The following UBE2E2 variants were observed in gnomAD, a reference collection of about 807,000 sequenced individuals.
UBE2E2 encodes ubiquitin-conjugating enzyme E2 E2.
Under a neutral mutation model 24.7 loss-of-function variants are expected in UBE2E2, and 6 were observed. That is an observed-to-expected ratio of 0.24 (90% CI 0.13 to 0.48). The LOEUF (loss-of-function observed/expected upper bound fraction) is 0.48. Among genes scored for constraint, UBE2E2 ranks in the 20% least tolerant of loss-of-function variants. The pLI is 0.99. For synonymous variants in UBE2E2, 104 were observed against 83.6 expected, an observed-to-expected ratio of 1.24 and a Z score of -1.33; for missense variants, 169 against 245.0, an observed-to-expected ratio of 0.69 and a Z score of 2.07.
intron 4 of UBE2E2, among the ~76,000 whole-genome samples, chr3:23,516,353 CTG>C (rs1279921892): frequency 6.6e-6 from 1 of 152,162 alleles, no homozygotes; most frequent in African/African-American, 2.4e-5. Flanking sequence ...TGCATTATAA[CTG>C]TGAACCAAAT....
At chr3:23,300,439 G>A (rs151026672) in intron 3 of UBE2E2, among the ~76,000 whole-genome samples, 25,742 of 152,062 alleles carry the variant, frequency 0.17, 2,427 homozygotes, top group Non-Finnish European at 0.21. Context: ...CCCTTTCCAT[G>A]TTTAGTGCTT....
At chr3:23,563,717 A>G (rs1277403656) in intron 5 of UBE2E2, among the ~76,000 whole-genome samples, 1 of 152,182 alleles carries the variant, frequency 6.6e-6, no homozygotes, top group Admixed American at 6.6e-5. Flanking sequence ...TTAAGGATAT[A>G]AGCAAGAATA....
chr3:23,552,310 G>T lies in UBE2E2; in HGVS notation c.508+19609G>T, dbSNP rs143358752. 4.4e-3 allele frequency among the ~76,000 whole-genome samples: 673 copies of T among 152,186 alleles called. 1 individual carries two copies. The highest frequency in any genetic ancestry group is 6.3e-3 in the Non-Finnish European group (429 of 67,998). ...CGAGGTTGCACTGGGCCAAGATCAG[G>T]ACACTGCACTCCAGCCTAAGCAACA... On this transcript the variant is annotated intron_variant, in intron 5 of 5. Coordinates refer to ENST00000396703, the MANE Select transcript of UBE2E2 (RefSeq NM_152653.4).
At chr3:23,307,304 A>G (rs1352901491) in intron 3 of UBE2E2, among the ~76,000 whole-genome samples, 1 of 152,004 alleles carries the variant, frequency 6.6e-6, no homozygotes, top group Non-Finnish European at 1.5e-5. Context: ...CTTTTTTCTG[A>G]CGCTTTCAGG....
At chr3:23,379,863 C>T (rs1346148343) in intron 3 of UBE2E2, among the ~76,000 whole-genome samples, 2 of 151,788 alleles carry the variant, frequency 1.3e-5, no homozygotes, top group African/African-American at 2.4e-5. Context: ...GAGTTTGGTC[C>T]GTTAGACAAA....
At chr3:23,347,461 C>T (rs1695593100) in intron 3 of UBE2E2, among the ~76,000 whole-genome samples, 1 of 152,072 alleles carries the variant, frequency 6.6e-6, no homozygotes, top group Admixed American at 6.6e-5. Context: ...GGAGAGAAAA[C>T]CAAACACCAC....
At chr3:23,345,454 T>A (rs79361841) in intron 3 of UBE2E2, among the ~76,000 whole-genome samples, 4,387 of 152,332 alleles carry the variant, frequency 0.029, 109 homozygotes, top group East Asian at 0.13. Context: ...CATAAGTGGT[T>A]TAAAATATAC....
At chr3:23,533,953 T>C (rs1695192749) in intron 5 of UBE2E2, among the ~76,000 whole-genome samples, 1 of 152,172 alleles carries the variant, frequency 6.6e-6, no homozygotes, top group Non-Finnish European at 1.5e-5. Context: ...AGGATCATTA[T>C]AAAATATTTT....
intron 3 of UBE2E2, among the ~76,000 whole-genome samples, chr3:23,370,901 G>A (rs1696382969): frequency 6.6e-6 from 1 of 152,140 alleles, no homozygotes; most frequent in Admixed American, 6.5e-5. Context: ...AGTAAAAGCA[G>A]AAAAGAAAAA....
At chr3:23,445,742 A>G (rs896526083) in intron 3 of UBE2E2, among the ~76,000 whole-genome samples, 2 of 152,122 alleles carry the variant, frequency 1.3e-5, no homozygotes, top group African/African-American at 2.4e-5. Context: ...TACCATTTCC[A>G]TCATACAACG....
At chr3:23,542,282 C>G (rs1427185076) in intron 5 of UBE2E2, among the ~76,000 whole-genome samples, 19 of 152,100 alleles carry the variant, frequency 1.2e-4, no homozygotes, top group Admixed American at 1.2e-3. Context: ...GGTAATGCAT[C>G]TTTTCTGTAG....
At chr3:23,470,731 C>A (rs1699017192) in intron 3 of UBE2E2, among the ~76,000 whole-genome samples, 1 of 152,080 alleles carries the variant, frequency 6.6e-6, no homozygotes, top group Admixed American at 6.6e-5. Flanking sequence ...AAAAACGGTT[C>A]TTAATAGAAA....
chr3:23,424,333 C>G (rs1056244703), intron 3 of UBE2E2, among the ~76,000 whole-genome samples: 4 of 151,952 alleles, frequency 2.6e-5, no homozygotes, highest in Non-Finnish European at 5.9e-5. Context: ...ATTCATTTGT[C>G]TATGATCAGT....
intron 3 of UBE2E2, among the ~76,000 whole-genome samples, chr3:23,257,714 C>A (rs190667688): frequency 1.5e-3 from 220 of 151,550 alleles, no homozygotes; most frequent in African/African-American, 5.0e-3. Context: ...CCAAAACATA[C>A]CCAATATCTA....
intron 3 of UBE2E2, among the ~76,000 whole-genome samples, chr3:23,346,057 C>A (rs2125314278): frequency 6.6e-6 from 1 of 152,272 alleles, no homozygotes; most frequent in African/African-American, 2.4e-5. Context: ...TACTGGAATG[C>A]ATTGTATTCC....
intron 3 of UBE2E2, among the ~76,000 whole-genome samples, chr3:23,371,712 CTTCTGAATAATAA>C (rs1696403278): frequency 6.6e-6 from 1 of 152,036 alleles, no homozygotes; most frequent in Non-Finnish European, 1.5e-5. Flanking sequence ...AGAATGAAAC[CTTCTGAATAATAA>C]TAGAGATAGT....
chr3:23,298,916 C>G (rs1263508446), intron 3 of UBE2E2, among the ~76,000 whole-genome samples: 1 of 152,112 alleles, frequency 6.6e-6, no homozygotes, highest in Non-Finnish European at 1.5e-5. Context: ...TTCATCTGGT[C>G]CTGGACTTTT....
intron 3 of UBE2E2, among the ~76,000 whole-genome samples, chr3:23,283,667 C>T (rs1698535406): frequency 1.3e-5 from 2 of 152,260 alleles, no homozygotes; most frequent in Middle Eastern, 3.4e-3. Flanking sequence ...GGTGGAGGAT[C>T]GCTTGAGCCC....
At chr3:23,468,184 T>C (rs1698962580) in intron 3 of UBE2E2, among the ~76,000 whole-genome samples, 2 of 152,214 alleles carry the variant, frequency 1.3e-5, no homozygotes, top group African/African-American at 4.8e-5. Context: ...TCATTTCTCC[T>C]GCCCACCTCC....
Sources: gnomAD v4.1 joint callset for allele counts (sites outside exome capture counted in the v4.1 genomes callset) on GRCh38, gnomAD v4.1.1 for gene constraint, MANE v1.5 for transcripts, NCBI Gene and HGNC (gene_info 2026-07-23, HGNC 2026-07-21) for gene names.